The following HDAC5 variants were observed in gnomAD, a reference collection of about 807,000 sequenced individuals.
The protein encoded by HDAC5 is histone deacetylase 5.
Under a neutral mutation model 133.3 loss-of-function variants are expected in HDAC5, and 25 were observed. The ratio of observed to expected loss-of-function variants is 0.19; its 90% CI spans 0.14 to 0.26. HDAC5 has a LOEUF of 0.26. Ranked by LOEUF, HDAC5 falls within the 10% of genes least tolerant of loss-of-function variation. The pLI is 1.00. For missense variants in HDAC5, 1,041 were observed against 1,460.5 expected (o/e 0.71, Z 4.68); for synonymous variants, 589 against 610.8 (o/e 0.96, Z 0.53).
Position 44,084,547 on chromosome 17 carries a change from CA to C in HDAC5, c.2305+7del. On this transcript the variant is annotated splice_region_variant and intron_variant, in intron 16 of 26. Transcript: ENST00000682912. ...CATGCCTGCCCGCCCACCCATGTGC[CA>C]GCTCACCGAGCAACTTCTTGCTGTC... 1 of 1,613,930 alleles carries C rather than the reference CA, an allele frequency of 6.2e-7. No homozygotes were observed. Among genetic ancestry groups the C allele is most frequent in the Non-Finnish European group, 8.5e-7 (1 of 1,179,844 alleles).
intron 3 of HDAC5, among the ~76,000 whole-genome samples, chr17:44,103,504 G>A (rs1013136133): frequency 1.3e-5 from 2 of 152,162 alleles, no homozygotes; most frequent in Non-Finnish European, 2.9e-5. Flanking sequence ...CTCCATGCAG[G>A]CATCTGTAAA....
chr17:44,078,320 T>C lies in HDAC5; in HGVS notation c.*56A>G. 2.0e-6 allele frequency: 3 copies of C among 1,489,330 alleles called. No individual in the cohort carries two copies. The highest frequency in any genetic ancestry group is 2.7e-6 in the Non-Finnish European group (3 of 1,120,186). The allele number at this position is 1,489,330 out of a possible 1,614,324, so 92.3% of individuals were successfully genotyped here. On this transcript the variant is annotated 3_prime_UTR_variant, in exon 27 of 27. Transcript: ENST00000682912. ...TGAATGTGTGACTTTTTGTTTTTAA[T>C]AGAAAAAATAAACAAAATCACAATG...
chr17:44,082,719 T>G (rs753327311), intron 19 of HDAC5, 46 bp downstream of exon 19: 2 of 1,610,828 alleles, frequency 1.2e-6, no homozygotes, highest in Non-Finnish European at 1.7e-6. Flanking sequence ...GCATGACGTT[T>G]GCAAGAGACA....
chr17:44,079,639 CAAAA>C (rs773678478), intron 23 of HDAC5, among the ~76,000 whole-genome samples: 14 of 66,024 alleles, frequency 2.1e-4, no homozygotes, highest in African/African-American at 1.0e-3. Context: ...GACTCCACCT[CAAAA>C]AAAAAAAAAA....
chr17:44,078,696 G>C lies in HDAC5; in HGVS notation c.3164-31C>G, dbSNP rs199853666. On this transcript the variant is annotated intron_variant, in intron 25 of 26. Coordinates refer to ENST00000682912, the MANE Select transcript of HDAC5 (RefSeq NM_005474.5). The stretch of plus-strand genomic sequence containing the variant: ...GACGAGAGACAGGCAAGGGGTCAGG[G>C]AGGGCAGAGGACACCCACATGAACA... 1.0e-4 allele frequency: 160 copies of C among 1,606,566 alleles called. No homozygotes were observed. In the African/African-American group the frequency reaches 2.0e-3, roughly 20 times the overall value.
At position 44,078,519 on chromosome 17, in the gene HDAC5, C is replaced by A; in HGVS notation, c.3310G>T (p.Ala1104Ser). ...VGAEQAQAAA[A>S]REHSPRPAEE... ...GCTTACCTGGGGCTGTGTTCCCGGG[C>A]TGCCGCAGCCTGGGCCTGCTCGGCC... The change falls in exon 26 of 27, where the codon GCC (alanine) becomes TCC (serine). Residue 1104 changes from alanine to serine, a missense_variant. Ala to Ser is a moderately conservative substitution (Grantham distance 99). Coordinates refer to ENST00000682912, the MANE Select transcript of HDAC5 (RefSeq NM_005474.5). The A allele has an allele frequency of 6.2e-7, 1 of 1,610,172 alleles. No individual in the cohort carries two copies. The highest frequency in any genetic ancestry group is 1.3e-5 in the African/African-American group (1 of 74,970).
chr17:44,122,115 G>C (rs866868504), intron 1 of HDAC5, among the ~76,000 whole-genome samples: 4 of 152,016 alleles, frequency 2.6e-5, no homozygotes, highest in Admixed American at 6.6e-5. Context: ...GAAGAAGCAG[G>C]CAGCCCCCAA....
chr17:44,085,255 C>A, intron 14 of HDAC5, 100 bp from the exon 15 acceptor site: 1 of 1,297,276 alleles, frequency 7.7e-7, no homozygotes. Context: ...TGTCTCCAAC[C>A]CCCAGGTCCA....
intron 3 of HDAC5, among the ~76,000 whole-genome samples, chr17:44,099,903 C>A (rs1279955666): frequency 6.6e-6 from 1 of 152,216 alleles, no homozygotes; most frequent in African/African-American, 2.4e-5. Context: ...ACTTCTTTCC[C>A]ATCCCGCTGG....
At chr17:44,109,804 C>T (rs2052222386) in intron 3 of HDAC5, among the ~76,000 whole-genome samples, 1 of 152,208 alleles carries the variant, frequency 6.6e-6, no homozygotes, top group Non-Finnish European at 1.5e-5. Flanking sequence ...ACACAGACAC[C>T]CACACTTGAG....
chr17:44,111,022 G>A (rs941052134), intron 2 of HDAC5: 31 of 547,486 alleles, frequency 5.7e-5, no homozygotes, highest in East Asian at 1.3e-4. Context: ...CACTCCTGGC[G>A]GCAGGAGGGG....
intron 11 of HDAC5, among the ~76,000 whole-genome samples, chr17:44,089,338 G>T (rs1243572932): frequency 6.6e-6 from 1 of 152,128 alleles, no homozygotes; most frequent in East Asian, 1.9e-4. Context: ...GCTGGGTGCG[G>T]TGGCTCACAC....
chr17:44,092,695 G>T lies in HDAC5; in HGVS notation c.753C>A (p.Asp251Glu), dbSNP rs1250981404. The T allele has an allele frequency of 1.3e-6, 2 of 1,517,920 alleles. No homozygotes were observed. Among genetic ancestry groups the T allele is most frequent in the Non-Finnish European group, 1.8e-6 (2 of 1,132,188 alleles). 94.0% of individuals were successfully genotyped at this position (1,517,920 alleles called of 1,614,324 possible). A position where few individuals can be genotyped will look rare whatever the true frequency, so the allele number is the denominator to read the frequency against. ...ACTCACCTGTTTTGCGGAGGGGGAA[G>T]TCGTCTCGACTGTCGTAGGGCCCAG... ...PLPGPYDSRD[D>E]FPLRKTASEP... The change falls in exon 7 of 27, where the codon GAC becomes GAA. Residue 251 changes from aspartate to glutamate, a missense_variant. Asp to Glu is a conservative substitution (Grantham distance 45). Around this residue, in one of 9 missense-constraint regions of HDAC5, gnomAD observed 8 missense variants for 31.9 expected, o/e 0.25. Coordinates refer to ENST00000682912, the MANE Select transcript of HDAC5 (RefSeq NM_005474.5).
chr17:44,116,882 C>T (rs895825306), intron 2 of HDAC5, among the ~76,000 whole-genome samples: 2 of 152,028 alleles, frequency 1.3e-5, no homozygotes, highest in South Asian at 4.1e-4. Flanking sequence ...GTAAAAGACC[C>T]CAGATTAGCA....
At chr17:44,081,391 AG>A (rs1245970896) in intron 20 of HDAC5, among the ~76,000 whole-genome samples, 2 of 151,394 alleles carry the variant, frequency 1.3e-5, no homozygotes, top group Non-Finnish European at 2.9e-5. Context: ...CTGGGATTAC[AG>A]GCGCCCACCA....
chr17:44,096,663 A>C (rs1379467474), intron 3 of HDAC5, among the ~76,000 whole-genome samples: 1 of 151,836 alleles, frequency 6.6e-6, no homozygotes, highest in African/African-American at 2.4e-5. Context: ...TTTAGTAGAC[A>C]CAAGGTTTCA....
rs1909782431 is a variant in HDAC5, at chr17:44,093,460, T to C, written c.380A>G (p.Lys127Arg). The C allele has an allele frequency of 6.2e-7, 1 of 1,606,818 alleles. No individual in the cohort carries two copies. The highest frequency in any genetic ancestry group is 1.7e-5 in the Admixed American group (1 of 59,768). Residue 127 changes from lysine (K) to arginine (R), a missense_variant, in exon 5 of 27, where the codon AAG becomes AGG. Coordinates refer to ENST00000682912, the MANE Select transcript of HDAC5 (RefSeq NM_005474.5). ...LKQQQEMLAA[K>R]QQQEMLAAKR... ...GGCTGCCAGCATCTCCTGCTGCTGC[T>C]TGGCTGCCAGCATCTCCTGCTGCTG... is the stretch of plus-strand genomic sequence containing the variant.
intron 14 of HDAC5, 94 bp downstream of exon 14, chr17:44,086,478 G>T: frequency 9.0e-7 from 1 of 1,116,130 alleles, no homozygotes; most frequent in Non-Finnish European, 1.2e-6. Context: ...TGCCTAAGGG[G>T]CCCCAGCAGC....
chr17:44,082,888 G>A (rs751334636), intron 18 of HDAC5, 68 bp from the exon 19 acceptor site: 1 of 1,355,548 alleles, frequency 7.4e-7, no homozygotes, highest in Non-Finnish European at 1.0e-6. Flanking sequence ...GGTAGCACAG[G>A]ACAGAAGCAC....
Sources: gnomAD v4.1 joint callset for allele counts (sites outside exome capture counted in the v4.1 genomes callset) on GRCh38, gnomAD v4.1.1 for gene constraint, gnomAD v4.1.1 regional missense constraint, MANE v1.5 for transcripts, NCBI Gene and HGNC (gene_info 2026-07-23, HGNC 2026-07-21) for gene names.